Variants in EYS observed in about 807,000 individuals in gnomAD.
The protein encoded by EYS is EGF-like photoreceptor maintenance factor, also known as protein eyes shut homolog.
Under a neutral mutation model 282.1 loss-of-function variants are expected in EYS, and 250 were observed. The ratio of observed to expected loss-of-function variants is 0.89; its 90% CI spans 0.80 to 0.98. The LOEUF is 0.98. EYS is among the 50% of genes least tolerant of loss of function. EYS has a pLI of 0.00. For synonymous variants in EYS, 1,355 were observed against 1,282.9 expected (o/e 1.06, Z -1.20); for missense variants, 4,016 against 3,709.0 (o/e 1.08, Z -2.15).
intron 28 of EYS, among the ~76,000 whole-genome samples, chr6:64,390,367 T>C (rs1223736509): frequency 6.6e-6 from 1 of 152,066 alleles, no homozygotes; most frequent in East Asian, 1.9e-4. Context: ...CAGACTTAAA[T>C]GTCCCTGTCT....
intron 1 of EYS, among the ~76,000 whole-genome samples, chr6:65,692,838 A>G (rs1769293116): frequency 6.7e-6 from 1 of 150,172 alleles, no homozygotes; most frequent in African/African-American, 2.4e-5. Flanking sequence ...TTTGTTTGAA[A>G]GATATACTCT....
chr6:65,563,884 C>T (rs1033833052), intron 2 of EYS, among the ~76,000 whole-genome samples: 7 of 152,058 alleles, frequency 4.6e-5, no homozygotes, highest in African/African-American at 1.7e-4. Flanking sequence ...AAAACCCCAT[C>T]GTCTCAGCCC....
At chr6:64,081,402 T>TA (rs141100821) in intron 32 of EYS, among the ~76,000 whole-genome samples, 368 of 151,296 alleles carry the variant, frequency 2.4e-3, no homozygotes, top group Non-Finnish European at 4.1e-3. Context: ...TAATACTACT[T>TA]AAAAAAAAAC....
At chr6:64,663,527 C>T (rs191770034) in intron 22 of EYS, among the ~76,000 whole-genome samples, 5 of 152,288 alleles carry the variant, frequency 3.3e-5, no homozygotes, top group Non-Finnish European at 7.3e-5. Flanking sequence ...GAACTACATT[C>T]TTCGGATCAT....
intron 8 of EYS, among the ~76,000 whole-genome samples, chr6:65,360,495 G>A (rs1229272674): frequency 1.3e-5 from 2 of 151,926 alleles, no homozygotes; most frequent in African/African-American, 2.4e-5. Flanking sequence ...TGGCTCTCTG[G>A]GGACCAAGGG....
chr6:64,922,327 T>C (rs1768372055), intron 15 of EYS, among the ~76,000 whole-genome samples: 1 of 152,146 alleles, frequency 6.6e-6, no homozygotes, highest in African/African-American at 2.4e-5. Flanking sequence ...AATACTAAGG[T>C]TTTGAAGAAC....
In EYS at chr6:63,721,395, C is replaced by T. The variant is rs1176413826; in HGVS notation, c.8636G>A (p.Cys2879Tyr). Residue 2879 changes from cysteine to tyrosine, a missense_variant, in exon 43 of 43, where the codon TGT becomes TAT. By Grantham distance (194) the Cys-to-Tyr change is radical (BLOSUM62 -2). Transcript: ENST00000503581. ...TCCATTTCTGCATGTGTTGTACCCA[C>T]AGGCTGTCCCATCACAGTCACCTAC... ...SNVGDCDGTACGYNTCRNGGE... is the reference protein window; with the variant it reads ...SNVGDCDGTAYGYNTCRNGGE... 7 of 1,551,620 alleles carry T rather than the reference C, an allele frequency of 4.5e-6. No homozygotes were observed. The highest frequency in any genetic ancestry group is 5.2e-6 in the Non-Finnish European group (6 of 1,146,936).
chr6:64,939,497 G>A (rs1453683078), intron 15 of EYS, among the ~76,000 whole-genome samples: 1 of 151,754 alleles, frequency 6.6e-6, no homozygotes, highest in East Asian at 1.9e-4. Context: ...TGTAGATGTT[G>A]CTTATTTTGT....
intron 29 of EYS, among the ~76,000 whole-genome samples, chr6:64,371,289 G>T (rs1772360869): frequency 1.4e-5 from 2 of 147,348 alleles, no homozygotes. Flanking sequence ...TCATTCAGGA[G>T]CAGGTTGTTT....
chr6:64,133,956 T>C (rs923106058), intron 31 of EYS, among the ~76,000 whole-genome samples: 3 of 152,072 alleles, frequency 2.0e-5, no homozygotes, highest in Admixed American at 6.6e-5. Flanking sequence ...TCTGAAGTGG[T>C]GATCTTTGAG....
intron 29 of EYS, among the ~76,000 whole-genome samples, chr6:64,371,647 A>C (rs1171016736): frequency 6.6e-6 from 1 of 152,124 alleles, no homozygotes; most frequent in Non-Finnish European, 1.5e-5. Context: ...TGGTCATCTA[A>C]GTCTCTTTTT....
chr6:65,607,435 C>T (rs977505568), intron 2 of EYS, among the ~76,000 whole-genome samples: 2 of 151,794 alleles, frequency 1.3e-5, no homozygotes, highest in African/African-American at 4.8e-5. Flanking sequence ...TGTAACAGAA[C>T]CAATACAATT....
chr6:64,155,128 G>A (rs111775372), intron 31 of EYS, among the ~76,000 whole-genome samples: 1,864 of 152,210 alleles, frequency 0.012, 34 homozygotes, highest in African/African-American at 0.042. Flanking sequence ...GGTCTGTGAA[G>A]GATAAACTTA....
chr6:64,425,801 A>G (rs978692329), intron 28 of EYS, among the ~76,000 whole-genome samples: 6 of 152,310 alleles, frequency 3.9e-5, no homozygotes, highest in African/African-American at 1.4e-4. Context: ...TGAGTAAAAA[A>G]TGACTTTCAT....
intron 8 of EYS, among the ~76,000 whole-genome samples, chr6:65,369,024 C>T (rs1280085542): frequency 6.6e-6 from 1 of 151,082 alleles, no homozygotes; most frequent in Non-Finnish European, 1.5e-5. Context: ...CTACCTCTTT[C>T]TCCCCGTTTT....
chr6:64,346,095 C>T (rs2150400072), intron 29 of EYS, among the ~76,000 whole-genome samples: 1 of 152,174 alleles, frequency 6.6e-6, no homozygotes, highest in African/African-American at 2.4e-5. Context: ...CACTTGTACA[C>T]TGTTGGTGGG....
intron 31 of EYS, among the ~76,000 whole-genome samples, chr6:64,119,421 A>T (rs7772065): frequency 0.067 from 10,146 of 152,238 alleles, 862 homozygotes; most frequent in African/African-American, 0.2. Context: ...ACTAAAAGTT[A>T]CCTACAAAAA....
At chr6:65,331,576 A>G in intron 11 of EYS, 1 of 974,646 alleles carries the variant, frequency 1.0e-6, no homozygotes, top group Non-Finnish European at 1.2e-6. Context: ...ATAAATTACA[A>G]AAATTTTGTA....
intron 5 of EYS, among the ~76,000 whole-genome samples, chr6:65,467,179 TATC>T (rs1268032070): frequency 6.6e-6 from 1 of 152,154 alleles, no homozygotes; most frequent in East Asian, 1.9e-4. Flanking sequence ...AGCTAACAGA[TATC>T]AGTCTGTAGT....
Sources: gnomAD v4.1 joint callset for allele counts (sites outside exome capture counted in the v4.1 genomes callset) on GRCh38, gnomAD v4.1.1 for gene constraint, MANE v1.5 for transcripts, NCBI Gene and HGNC (gene_info 2026-07-23, HGNC 2026-07-21) for gene names.